Variants in PHLPP1 observed in about 807,000 individuals in gnomAD.
PHLPP1 encodes PH domain leucine-rich repeat-containing protein phosphatase 1.
In PHLPP1, 42 loss-of-function variants were observed where a neutral mutation model predicts 117.2. That is an observed-to-expected ratio of 0.36 (90% CI 0.28 to 0.46). The LOEUF (loss-of-function observed/expected upper bound fraction) is 0.46, where lower values mean the gene tolerates loss of function less well. Among genes scored for constraint, PHLPP1 ranks in the 20% least tolerant of loss-of-function variants. PHLPP1 has a pLI of 1.00. For synonymous variants in PHLPP1, 1,042 were observed against 970.7 expected, an observed-to-expected ratio of 1.07 and a Z score of -1.37; for missense variants, 2,084 against 2,241.9, an observed-to-expected ratio of 0.93 and a Z score of 1.42.
intron 11 of PHLPP1, among the ~76,000 whole-genome samples, chr18:62,942,670 A>C (rs1367176297): frequency 1.3e-5 from 2 of 152,092 alleles, no homozygotes; most frequent in Admixed American, 1.3e-4. Context: ...TTTCCATTTC[A>C]TTGGCTTTTA....
At chr18:62,888,333 G>A (rs1157327636) in intron 4 of PHLPP1, among the ~76,000 whole-genome samples, 5 of 109,456 alleles carry the variant, frequency 4.6e-5, no homozygotes, top group Non-Finnish European at 8.3e-5. Context: ...GTGTGTGTGT[G>A]TATGTTTTTT....
Position 62,917,396 on chromosome 18 carries a change from T to TTGTGTGTGTGTGTGTG in PHLPP1, c.2804+2412_2804+2427dup, listed in dbSNP as rs34407573. 2.4e-3 allele frequency among the ~76,000 whole-genome samples: 346 copies of TTGTGTGTGTGTGTGTG among 141,488 alleles called. 3 individuals are homozygous for TTGTGTGTGTGTGTGTG. The highest frequency in any genetic ancestry group is 8.2e-3 in the African/African-American group (311 of 37,748). The allele number at this position is 141,488 out of a possible 152,430, so 92.8% of individuals were successfully genotyped here. On this transcript the variant is annotated intron_variant, in intron 9 of 16. Coordinates refer to ENST00000262719, the MANE Select transcript of PHLPP1 (RefSeq NM_194449.4). Reference sequence around the variant, plus strand: ...TGTTAAAGAATTTAAACAGTATTCTTTGTGTGTGTGTGTGTGTGTGTGTGT... The same window carrying TTGTGTGTGTGTGTGTG: ...TGTTAAAGAATTTAAACAGTATTCTTTGTGTGTGTGTGTGTGTGTGTGTGTGTGTGTGTGTGTGTGT...
chr18:62,738,048 G>A (rs901364033), intron 1 of PHLPP1, among the ~76,000 whole-genome samples: 1 of 151,906 alleles, frequency 6.6e-6, no homozygotes, highest in East Asian at 1.9e-4. Flanking sequence ...CCTATAGGTA[G>A]AACATTAGAT....
intron 11 of PHLPP1, among the ~76,000 whole-genome samples, chr18:62,944,406 AAC>A: frequency 6.6e-6 from 1 of 152,362 alleles, no homozygotes; most frequent in Middle Eastern, 3.4e-3. Context: ...GACATTCTTA[AAC>A]AGAAGTATTA....
chr18:62,977,978 G>T (rs1280298208), intron 16 of PHLPP1, among the ~76,000 whole-genome samples: 1 of 152,208 alleles, frequency 6.6e-6, no homozygotes, highest in Non-Finnish European at 1.5e-5. Flanking sequence ...ATAAACAGCA[G>T]GACTTGTGAC....
intron 16 of PHLPP1, among the ~76,000 whole-genome samples, chr18:62,977,997 A>G (rs1436558945): frequency 6.6e-6 from 1 of 152,178 alleles, no homozygotes; most frequent in African/African-American, 2.4e-5. Context: ...ACCTAGTGTG[A>G]ATGGGGTCCC....
chr18:62,827,510 C>G (rs752898915), intron 1 of PHLPP1, among the ~76,000 whole-genome samples: 4 of 152,204 alleles, frequency 2.6e-5, no homozygotes, highest in Non-Finnish European at 4.4e-5. Context: ...TATATTACCT[C>G]ATTCATCTCC....
intron 14 of PHLPP1, among the ~76,000 whole-genome samples, chr18:62,965,533 C>T (rs1407752645): frequency 7.0e-6 from 1 of 142,658 alleles, no homozygotes; most frequent in Non-Finnish European, 1.5e-5. Flanking sequence ...AATCTCGGCT[C>T]ACTGCAATTT....
At chr18:62,775,871 G>C (rs903911407) in intron 1 of PHLPP1, among the ~76,000 whole-genome samples, 7 of 151,700 alleles carry the variant, frequency 4.6e-5, no homozygotes, top group African/African-American at 1.7e-4. Flanking sequence ...CTTGACCTAG[G>C]GAACCAAGTT....
chr18:62,893,929 G>A (rs1056330044), intron 4 of PHLPP1, among the ~76,000 whole-genome samples: 2 of 152,172 alleles, frequency 1.3e-5, no homozygotes, highest in Non-Finnish European at 2.9e-5. Flanking sequence ...TTTGGGGCTG[G>A]AAATGTGGGG....
At chr18:62,834,270 CTG>C (rs1914831325) in intron 2 of PHLPP1, among the ~76,000 whole-genome samples, 1 of 152,124 alleles carries the variant, frequency 6.6e-6, no homozygotes, top group Non-Finnish European at 1.5e-5. Flanking sequence ...CCACTTCTCT[CTG>C]TGGCTCATTG....
intron 9 of PHLPP1, among the ~76,000 whole-genome samples, chr18:62,916,255 T>C (rs1909272717): frequency 6.6e-6 from 1 of 151,950 alleles, no homozygotes; most frequent in African/African-American, 2.4e-5. Context: ...ATATTAATAA[T>C]AGTGTACATT....
chr18:62,966,948 T>C (rs1910922129), intron 14 of PHLPP1, among the ~76,000 whole-genome samples: 1 of 152,224 alleles, frequency 6.6e-6, no homozygotes, highest in African/African-American at 2.4e-5. Context: ...TTTTCCAGGA[T>C]GTCCTATAAA....
intron 3 of PHLPP1, among the ~76,000 whole-genome samples, chr18:62,845,583 T>G (rs1042793992): frequency 6.6e-6 from 1 of 152,194 alleles, no homozygotes; most frequent in East Asian, 1.9e-4. Flanking sequence ...ATAACAAGAT[T>G]GAGGTTTCCA....
At chr18:62,923,447 A>G (rs937587923) in intron 10 of PHLPP1, among the ~76,000 whole-genome samples, 5 of 152,230 alleles carry the variant, frequency 3.3e-5, no homozygotes, top group African/African-American at 9.6e-5. Flanking sequence ...CAACTGATAT[A>G]GTAGAATCAG....
At chr18:62,746,146 C>T (rs897769112) in intron 1 of PHLPP1, among the ~76,000 whole-genome samples, 4 of 152,076 alleles carry the variant, frequency 2.6e-5, no homozygotes. Flanking sequence ...CGGGTTCAAG[C>T]GATTCTCCTG....
At chr18:62,951,580 A>G (rs1375569527) in intron 12 of PHLPP1, among the ~76,000 whole-genome samples, 1 of 152,150 alleles carries the variant, frequency 6.6e-6, no homozygotes. Context: ...CGCACCCAGA[A>G]ATCTGGGAGA....
intron 10 of PHLPP1, among the ~76,000 whole-genome samples, chr18:62,931,878 G>GAAAAAAAA (rs61550621): frequency 1.3e-5 from 1 of 76,472 alleles, no homozygotes. Context: ...CTGGGCGACA[G>GAAAAAAAA]AAAAAAAAAA....
chr18:62,949,768 G>C (rs1163685910), intron 12 of PHLPP1, among the ~76,000 whole-genome samples: 1 of 152,154 alleles, frequency 6.6e-6, no homozygotes, highest in African/African-American at 2.4e-5. Flanking sequence ...AACAAGATCT[G>C]AGTCACACAG....
Sources: allele counts gnomAD v4.1 joint callset (sites outside exome capture counted in the v4.1 genomes callset), GRCh38; gene constraint gnomAD v4.1.1; transcripts MANE v1.5; gene names NCBI Gene and HGNC (gene_info 2026-07-23, HGNC 2026-07-21).